Variants in NTPCR observed in about 807,000 individuals in gnomAD.
The protein encoded by NTPCR is nucleoside-triphosphatase, cancer-related.
In NTPCR, 15 loss-of-function variants were observed where a neutral mutation model predicts 19.5. That is an observed-to-expected ratio of 0.77 (90% CI 0.51 to 1.18). The LOEUF (loss-of-function observed/expected upper bound fraction) is 1.18, where lower values mean the gene tolerates loss of function less well. Among genes scored for constraint, NTPCR ranks in the 50% most tolerant of loss-of-function variants. The pLI is 0.00. For missense variants in NTPCR, 206 were observed against 240.4 expected (o/e 0.86, Z 0.95); for synonymous variants, 90 against 95.8 (o/e 0.94, Z 0.36).
chr1:232,957,356 C>T (rs2102740024), intron 3 of NTPCR, among the ~76,000 whole-genome samples: 1 of 152,146 alleles, frequency 6.6e-6, no homozygotes, highest in Non-Finnish European at 1.5e-5. Context: ...TTTAAATTAC[C>T]AATTAAATCT....
intron 4 of NTPCR, among the ~76,000 whole-genome samples, chr1:232,973,665 C>A (rs1669049896): frequency 6.6e-6 from 1 of 152,156 alleles, no homozygotes; most frequent in Non-Finnish European, 1.5e-5. Flanking sequence ...CATAAAATTA[C>A]AGATACACAT....
At position 232,970,002 on chromosome 1, in the gene NTPCR, C is replaced by G. The variant is rs759051611; in HGVS notation, c.388C>G (p.Arg130Gly). 1 of 1,613,904 alleles carries G rather than the reference C, an allele frequency of 6.2e-7. No individual in the cohort carries two copies. The highest frequency in any genetic ancestry group is 8.5e-7 in the Non-Finnish European group (1 of 1,179,930). Residue 130 changes from arginine (R) to glycine (G), a missense_variant, in exon 4 of 5, where the codon CGT becomes GGT. By Grantham distance (125) the Arg-to-Gly change is moderately radical (BLOSUM62 -2). Coordinates refer to ENST00000366628, the MANE Select transcript of NTPCR (RefSeq NM_032324.3). ...CAGTCAGCTTTTCATTCAAGCTGTT[C>G]GTCAGACGCTGTCTACCCCAGGGAC... ...LFSQLFIQAV[R>G]QTLSTPGTII...
In NTPCR at chr1:232,950,753, G is replaced by A; in HGVS notation, c.34+9G>A. The A allele has an allele frequency of 2.5e-6, 4 of 1,591,662 alleles. No individual in the cohort carries two copies. In the South Asian group the frequency reaches 3.4e-5, roughly 13 times the overall value. On this transcript the variant is annotated intron_variant, in intron 1 of 4. Coordinates refer to ENST00000366628, the MANE Select transcript of NTPCR (RefSeq NM_032324.3). The stretch of plus-strand genomic sequence containing the variant: ...CCTAACGGGGCCCCCAGGTAACCCT[G>A]AGGGGATCCCCACCTCCAAGAGGTC...
rs761070955 is a variant in NTPCR, at chr1:232,969,875, C to T, written c.295-34C>T. On this transcript the variant is annotated intron_variant, in intron 3 of 4. Transcript: ENST00000366628. ...CATGGGCCCTTTGATTAATGTGACT[C>T]TGATGTCCCAGTGAAAGTCTTTGTC... 8.3e-6 allele frequency: 13 copies of T among 1,575,300 alleles called. No homozygotes were observed. In the South Asian group the frequency reaches 1.3e-4, roughly 16 times the overall value.
At chr1:232,976,582 T>C in intron 4 of NTPCR, 2 of 1,463,824 alleles carry the variant, frequency 1.4e-6, no homozygotes, top group Non-Finnish European at 1.8e-6. Context: ...TCAAAAAGCC[T>C]TATAGGCTTT....
intron 1 of NTPCR, among the ~76,000 whole-genome samples, chr1:232,954,657 G>T (rs1365914887): frequency 1.3e-5 from 2 of 152,212 alleles, no homozygotes; most frequent in African/African-American, 4.8e-5. Flanking sequence ...TGTAAAATAT[G>T]CATAAGGATG....
intron 4 of NTPCR, among the ~76,000 whole-genome samples, chr1:232,974,797 C>T (rs1252962924): frequency 6.6e-6 from 1 of 152,218 alleles, no homozygotes; most frequent in African/African-American, 2.4e-5. Context: ...AACTCACTCC[C>T]TCCCACTATA....
intron 3 of NTPCR, chr1:232,969,322 A>G (rs981742012): frequency 1.3e-5 from 2 of 154,738 alleles, no homozygotes; most frequent in East Asian, 1.9e-4. Context: ...CAAGCTTTAT[A>G]TTTATATACA....
chr1:232,950,984 C>T (rs1294301218), intron 1 of NTPCR: 15 of 468,020 alleles, frequency 3.2e-5, no homozygotes, highest in Non-Finnish European at 3.8e-5. Context: ...AGACTGGCTT[C>T]TTGATGAAGG....
chr1:232,955,841 C>A, intron 2 of NTPCR, 122 bp downstream of exon 2: 2 of 905,752 alleles, frequency 2.2e-6, no homozygotes, highest in Non-Finnish European at 3.5e-6. Flanking sequence ...TCCTTGGATG[C>A]CCATCTGCTT....
chr1:232,965,112 G>A (rs895054630), intron 3 of NTPCR: 2 of 152,192 alleles, frequency 1.3e-5, no homozygotes, highest in Non-Finnish European at 2.9e-5. Flanking sequence ...TTATTTTCGA[G>A]TAATTTAGAG....
intron 4 of NTPCR, among the ~76,000 whole-genome samples, chr1:232,974,775 C>G (rs557744386): frequency 6.6e-6 from 1 of 152,154 alleles, no homozygotes; most frequent in East Asian, 1.9e-4. Flanking sequence ...ATCAGTAACC[C>G]AGTCCTGCCA....
intron 3 of NTPCR, among the ~76,000 whole-genome samples, chr1:232,958,838 G>A (rs1558127488): frequency 1.3e-5 from 2 of 152,134 alleles, no homozygotes; most frequent in African/African-American, 2.4e-5. Flanking sequence ...AACTGACTGG[G>A]TCAATACAAA....
At chr1:232,976,489 G>T in intron 4 of NTPCR, 1 of 1,544,850 alleles carries the variant, frequency 6.5e-7, no homozygotes, top group Non-Finnish European at 8.7e-7. Flanking sequence ...GCCCACCTCT[G>T]TGTCGCCTCC....
At position 232,956,399 on chromosome 1, in the gene NTPCR, G is replaced by A. The variant is rs753049975; in HGVS notation, c.250G>A (p.Asp84Asn). Residue 84 changes from aspartate (D) to asparagine (N), a missense_variant, in exon 3 of 5, where the codon GAC becomes AAC. Asp to Asn is a conservative substitution (Grantham distance 23, BLOSUM62 1). Transcript: ENST00000366628. ...RECRVGQYVV[D>N]LTSFEQLALP... ...ATGCCGAGTTGGGCAGTATGTGGTC[G>A]ACCTGACTTCTTTTGAGCAGTTGGC... 7 of 1,613,902 alleles carry A rather than the reference G, an allele frequency of 4.3e-6. No homozygotes were observed. The highest frequency in any genetic ancestry group is 2.2e-5 in the South Asian group (2 of 91,058).
At chr1:232,961,575 C>T (rs1251860430) in intron 3 of NTPCR, among the ~76,000 whole-genome samples, 1 of 152,202 alleles carries the variant, frequency 6.6e-6, no homozygotes, top group Non-Finnish European at 1.5e-5. Context: ...TTTTATAAAG[C>T]AGATAGCCTT....
intron 3 of NTPCR, chr1:232,968,557 T>C (rs922742785): frequency 1.3e-5 from 2 of 152,172 alleles, no homozygotes; most frequent in Non-Finnish European, 2.9e-5. Context: ...GATTCCCACC[T>C]CTGTGTGTGC....
rs1669236972 is a variant in NTPCR at position 232,979,802 on chromosome 1, A to T, written c.*1571A>T. 6.6e-6 allele frequency: 1 copy of T among 152,208 alleles called. No individual in the cohort carries two copies. The highest frequency in any genetic ancestry group is 1.5e-5 in the Non-Finnish European group (1 of 68,058). The allele number at this position is 152,208 out of a possible 1,614,324, so 9.4% of individuals were successfully genotyped here. A position where few individuals can be genotyped will look rare whatever the true frequency, so the allele number is the denominator to read the frequency against. ...TGAGTTGGGTAGAGGCTTCCCACAA[A>T]GGCCTGGGAACCTGATCCTGGCCGT... On this transcript the variant is annotated 3_prime_UTR_variant, in exon 5 of 5. Coordinates refer to ENST00000366628, the MANE Select transcript of NTPCR (RefSeq NM_032324.3). The surrounding 1 kb of genome is among the most constrained non-coding windows in gnomAD (Gnocchi z 5.3).
At chr1:232,966,865 C>T (rs1042938161) in intron 3 of NTPCR, 1 of 152,484 alleles carries the variant, frequency 6.6e-6, no homozygotes, top group Non-Finnish European at 1.5e-5. Flanking sequence ...CTGGGTTGTT[C>T]TCTGAGGAGA....
Sources: allele counts gnomAD v4.1 joint callset (sites outside exome capture counted in the v4.1 genomes callset), GRCh38; gene constraint gnomAD v4.1.1; non-coding constraint Gnocchi (gnomAD v3.1); transcripts MANE v1.5; gene names NCBI Gene and HGNC (gene_info 2026-07-23, HGNC 2026-07-21).